The following CATIP variants were observed in gnomAD, a reference collection of about 807,000 sequenced individuals.
CATIP encodes ciliogenesis associated TTC17 interacting protein, also known as ciliogenesis-associated TTC17-interacting protein.
A neutral mutation model predicts 42.5 loss-of-function variants in CATIP; 40 were observed. That is an observed-to-expected ratio of 0.94 (90% CI 0.73 to 1.22). The LOEUF is 1.22. Ranked by LOEUF, CATIP falls within the 50% of genes most tolerant of loss-of-function variation. The probability of loss-of-function intolerance (pLI) is 0.00; values close to 1 mark genes in which losing one functional copy is unlikely to be tolerated. For synonymous variants in CATIP, 222 were observed against 200.2 expected, an observed-to-expected ratio of 1.11 and a Z score of -0.92; for missense variants, 489 against 496.0, an observed-to-expected ratio of 0.99 and a Z score of 0.13.
intron 7 of CATIP, among the ~76,000 whole-genome samples, chr2:218,365,293 AGTCCCAG>A (rs1160075105): frequency 8.5e-5 from 13 of 152,102 alleles, no homozygotes; most frequent in African/African-American, 2.9e-4. Context: ...GGGCGCCTGT[AGTCCCAG>A]CTACTCTGGA....
chr2:218,367,624 G>T (rs1695502801), intron 9 of CATIP, 98 bp from the exon 10 acceptor site: 5 of 1,596,320 alleles, frequency 3.1e-6, no homozygotes, highest in Non-Finnish European at 4.3e-6. Context: ...GGGCTAGAAG[G>T]CTCCAGCGCC....
At position 218,368,006 on chromosome 2, in the gene CATIP, G is replaced by A. The variant is rs770991261; in HGVS notation, c.*42G>A. The stretch of plus-strand genomic sequence containing the variant: ...GACAGGGCAGGAAACCAGGGGTCGG[G>A]CTGGGACGCGGGCGGGACGCGCCGG... On this transcript the variant is annotated 3_prime_UTR_variant, in exon 10 of 10. Coordinates refer to ENST00000289388, the MANE Select transcript of CATIP (RefSeq NM_198559.2). 2 of 1,470,464 alleles carry A rather than the reference G, an allele frequency of 1.4e-6. No individual in the cohort carries two copies. Among genetic ancestry groups the A allele is most frequent in the East Asian group, 2.6e-5 (1 of 38,890 alleles). The allele number at this position is 1,470,464 out of a possible 1,614,324, so 91.1% of individuals were successfully genotyped here.
At position 218,364,608 on chromosome 2, in the gene CATIP, C is replaced by A; in HGVS notation, c.631-20C>A. 2 of 1,612,704 alleles carry A rather than the reference C, an allele frequency of 1.2e-6. No homozygotes were observed. The highest frequency in any genetic ancestry group is 1.1e-5 in the South Asian group (1 of 90,874). ...GGGCATCCACCTTACCTCCCACCCCCCAATTTTGGCTGTTGCCAGCAAAAC... is the reference window on the plus strand; with the variant it reads ...GGGCATCCACCTTACCTCCCACCCCACAATTTTGGCTGTTGCCAGCAAAAC... On this transcript the variant is annotated intron_variant, in intron 6 of 9. Coordinates refer to ENST00000289388, the MANE Select transcript of CATIP (RefSeq NM_198559.2).
rs778813040 is a variant in CATIP, at chr2:218,360,650, G to T, written c.453G>T (p.Lys151Asn). 6.2e-7 allele frequency: 1 copy of T among 1,613,460 alleles called. No homozygotes were observed. The highest frequency in any genetic ancestry group is 1.1e-5 in the South Asian group (1 of 91,054). ...DDQLAVTRSI[K>N]EGEEVKTGVT... ...AGCTGGCTGTGACCAGAAGTATCAAGGAGGGTGAGGTAAGGATGAGAGCCA... is the reference window on the plus strand; with the variant it reads ...AGCTGGCTGTGACCAGAAGTATCAATGAGGGTGAGGTAAGGATGAGAGCCA... Residue 151 changes from lysine (K) to asparagine (N), a missense_variant, in exon 5 of 10, where the codon AAG becomes AAT. Physicochemically the swap from Lys to Asn is moderately conservative, Grantham distance 94 (BLOSUM62 0). Transcript: ENST00000289388.
At chr2:218,362,221 C>T (rs563877087) in intron 5 of CATIP, among the ~76,000 whole-genome samples, 3 of 151,766 alleles carry the variant, frequency 2.0e-5, no homozygotes, top group South Asian at 4.2e-4. Context: ...GGCGTAGTGT[C>T]GTGAGCCTGT....
At chr2:218,360,485 T>C in intron 4 of CATIP, 88 bp from the exon 5 acceptor site, 1 of 991,880 alleles carries the variant, frequency 1.0e-6, no homozygotes, top group South Asian at 1.4e-5. Flanking sequence ...TCTTTAAACC[T>C]CAGTTTTCTC....
intron 5 of CATIP, 79 bp from the exon 6 acceptor site, chr2:218,362,656 C>T: frequency 7.1e-7 from 1 of 1,414,706 alleles, no homozygotes; most frequent in South Asian, 1.3e-5. Context: ...AACCGTATGC[C>T]CAACACCTGG....
At chr2:218,362,942 G>A (rs1484349721) in intron 6 of CATIP, 40 bp downstream of exon 6, 26 of 1,574,758 alleles carry the variant, frequency 1.7e-5, no homozygotes, top group East Asian at 6.8e-5. Flanking sequence ...GCTTGGGAGC[G>A]AACTAGAAAA....
rs1372004090 is a variant in CATIP at position 218,364,678 on chromosome 2, C to A, written c.681C>A (p.Val227=). 1.3e-5 allele frequency: 21 copies of A among 1,613,962 alleles called. No homozygotes were observed. The highest frequency in any genetic ancestry group is 1.8e-5 in the Non-Finnish European group (21 of 1,179,978). ...TIQVDHQQAE[V]FIVEQTVHAE... ...AGGTAGACCATCAGCAGGCTGAAGT[C>A]TTCATCGTGGAGCAGACTGTCCACG... Residue 227 remains valine (V), a synonymous_variant, in exon 7 of 10, where the codon GTC becomes GTA. Transcript: ENST00000289388.
intron 3 of CATIP, 51 bp from the exon 4 acceptor site, chr2:218,357,986 C>T: frequency 4.5e-6 from 7 of 1,560,656 alleles, no homozygotes; most frequent in Non-Finnish European, 6.2e-6. Context: ...CTTCCTTCAG[C>T]CTCTGACCCA....
At position 218,366,924 on chromosome 2, in the gene CATIP, T is replaced by C; in HGVS notation, c.756-100T>C. On this transcript the variant is annotated intron_variant, in intron 7 of 9. Transcript: ENST00000289388. The stretch of plus-strand genomic sequence containing the variant: ...AACGTAATGACCTCCCCAAAGCCCC[T>C]ACCTCCAAATACCACCACACTGGGG... 5.5e-6 allele frequency: 5 copies of C among 904,612 alleles called. No homozygotes were observed. The Admixed American group carries it at 9.6e-5, about 17-fold the overall frequency. The allele number at this position is 904,612 out of a possible 1,614,324, so 56.0% of individuals were successfully genotyped here. A position where few individuals can be genotyped will look rare whatever the true frequency, so the allele number is the denominator to read the frequency against.
chr2:218,364,665 A>G lies in CATIP; in HGVS notation c.668A>G (p.Gln223Arg), dbSNP rs1007111060. The G allele has an allele frequency of 1.9e-6, 3 of 1,614,128 alleles. No homozygotes were observed. The highest frequency in any genetic ancestry group is 2.5e-6 in the Non-Finnish European group (3 of 1,179,968). Residue 223 changes from glutamine (Q) to arginine (R), a missense_variant, in exon 7 of 10, where the codon CAG becomes CGG. Physicochemically the swap from Gln to Arg is conservative, Grantham distance 43. Coordinates refer to ENST00000289388, the MANE Select transcript of CATIP (RefSeq NM_198559.2). ...LGFQTIQVDHQQAEVFIVEQT... is the reference protein window; with the variant it reads ...LGFQTIQVDHRQAEVFIVEQT... ...TTCCAGACCATCCAGGTAGACCATC[A>G]GCAGGCTGAAGTCTTCATCGTGGAG...
rs1002344706 is a variant in CATIP at position 218,357,712 on chromosome 2, G to C, written c.297G>C (p.Met99Ile). 1 of 1,613,732 alleles carries C rather than the reference G, an allele frequency of 6.2e-7. No individual in the cohort carries two copies. Among genetic ancestry groups the C allele is most frequent in the Non-Finnish European group, 8.5e-7 (1 of 1,179,994 alleles). The change falls in exon 3 of 10, where the codon ATG becomes ATC. Residue 99 changes from methionine to isoleucine, a missense_variant. Coordinates refer to ENST00000289388, the MANE Select transcript of CATIP (RefSeq NM_198559.2). ...HASSRGFLDKMLCGNSLLGYL... is the reference protein window; with the variant it reads ...HASSRGFLDKILCGNSLLGYL... ...CTAGCCGAGGCTTCTTGGACAAAATGCTCTGCGGAAATTCCCTCCTGGGTA... is the reference window on the plus strand; with the variant it reads ...CTAGCCGAGGCTTCTTGGACAAAATCCTCTGCGGAAATTCCCTCCTGGGTA...
chr2:218,366,627 T>G, intron 7 of CATIP: 2 of 289,698 alleles, frequency 6.9e-6, no homozygotes, highest in Non-Finnish European at 1.4e-5. Flanking sequence ...CATGTAGGAG[T>G]CTGCTTAGGC....
intron 5 of CATIP, among the ~76,000 whole-genome samples, chr2:218,361,195 C>T (rs6757983): frequency 0.93 from 140,661 of 152,060 alleles, 65,564 homozygotes; most frequent in East Asian, 1. Flanking sequence ...AAGATGTACA[C>T]TGGTTCACCA....
chr2:218,358,549 A>C (rs923317715), intron 4 of CATIP, among the ~76,000 whole-genome samples: 4 of 152,024 alleles, frequency 2.6e-5, no homozygotes, highest in Admixed American at 2.6e-4. Flanking sequence ...TGACAGAGCA[A>C]GACTCCGTCT....
In CATIP at chr2:218,362,019, G is replaced by GAA. The variant is rs11380257; in HGVS notation, c.463-705_463-704dup. Among the ~76,000 whole-genome samples, 625 of 145,890 alleles carry GAA rather than the reference G, an allele frequency of 4.3e-3. 8 individuals are homozygous for GAA. Among genetic ancestry groups the GAA allele is most frequent in the African/African-American group, 0.014 (552 of 40,040 alleles). On this transcript the variant is annotated intron_variant, in intron 5 of 9. Coordinates refer to ENST00000289388, the MANE Select transcript of CATIP (RefSeq NM_198559.2). ...GCGAGACCCCGTTCTCCAGAAAAAGGAAAAAAAAAAAAGACAAGGATTCAT... is the reference window on the plus strand; with the variant it reads ...GCGAGACCCCGTTCTCCAGAAAAAGGAAAAAAAAAAAAAAGACAAGGATTCAT...
rs376076590 is a variant in CATIP, at chr2:218,357,546, T to C, written c.131T>C (p.Leu44Pro). The C allele has an allele frequency of 3.7e-6, 6 of 1,613,666 alleles. No homozygotes were observed. The African/African-American group carries it at 8.0e-5, about 22-fold the overall frequency. The change falls in exon 3 of 10, where the codon CTA (leucine) becomes CCA (proline). Residue 44 changes from leucine to proline, a missense_variant. Transcript: ENST00000289388. ...CCCCTCACCCCAGACAAGGAGGAGCTACAGATGCTGTTCTTCTCTGAGACG... is the reference window on the plus strand; with the variant it reads ...CCCCTCACCCCAGACAAGGAGGAGCCACAGATGCTGTTCTTCTCTGAGACG... ...DFLSSLHKEE[L>P]QMLFFSETLA...
At position 218,364,646 on chromosome 2, in the gene CATIP, A is replaced by C; in HGVS notation, c.649A>C (p.Thr217Pro). The C allele has an allele frequency of 1.2e-6, 2 of 1,613,916 alleles. No individual in the cohort carries two copies. ...YLTYQNLGFQ[T>P]IQVDHQQAEV... ...TTGCCAGCAAAACCTGGGCTTCCAGACCATCCAGGTAGACCATCAGCAGGC... is the reference window on the plus strand; with the variant it reads ...TTGCCAGCAAAACCTGGGCTTCCAGCCCATCCAGGTAGACCATCAGCAGGC... Residue 217 changes from threonine (T) to proline (P), a missense_variant, in exon 7 of 10, where the codon ACC (threonine) becomes CCC (proline). Thr to Pro is a conservative substitution (Grantham distance 38). Coordinates refer to ENST00000289388, the MANE Select transcript of CATIP (RefSeq NM_198559.2).
Sources: allele counts gnomAD v4.1 joint callset (sites outside exome capture counted in the v4.1 genomes callset), GRCh38; gene constraint gnomAD v4.1.1; transcripts MANE v1.5; gene names NCBI Gene and HGNC (gene_info 2026-07-23, HGNC 2026-07-21).